The following CNTN5 variants were observed in gnomAD, a reference collection of about 807,000 sequenced individuals.
CNTN5 encodes contactin 5, also known as contactin-5.
CNTN5 carries 77 observed loss-of-function variants against 129.1 expected under a neutral mutation model. The observed-to-expected ratio is 0.60, with a 90% CI of 0.50 to 0.72. The LOEUF is 0.72. Ranked by LOEUF, CNTN5 falls within the 30% of genes least tolerant of loss-of-function variation. The pLI, the probability that CNTN5 is intolerant of heterozygous loss-of-function variation, is 0.00. For synonymous variants in CNTN5, 509 were observed against 465.6 expected (o/e 1.09, Z -1.20); for missense variants, 1,478 against 1,328.8 (o/e 1.11, Z -1.75).
chr11:99,379,390 G>A (rs7932623), intron 2 of CNTN5, among the ~76,000 whole-genome samples: 4,220 of 151,866 alleles, frequency 0.028, 188 homozygotes, highest in African/African-American at 0.096. Context: ...TTTTAATAAC[G>A]ATCAGTGGGT....
Position 99,862,098 on chromosome 11 carries a change from C to G in CNTN5, c.577+16836C>G, listed in dbSNP as rs1182565375. ...TATGCTATAGTAAATATGGATAAGA[C>G]TAAATGAATATTTAAATACAAAACA... is the stretch of plus-strand genomic sequence containing the variant. On this transcript the variant is annotated intron_variant, in intron 6 of 24. Transcript: ENST00000524871. 1.3e-5 allele frequency among the ~76,000 whole-genome samples: 2 copies of G among 151,812 alleles called. 1 individual carries two copies.
intron 3 of CNTN5, among the ~76,000 whole-genome samples, chr11:99,806,956 AC>A (rs1946291840): frequency 6.6e-6 from 1 of 152,174 alleles, no homozygotes; most frequent in African/African-American, 2.4e-5. Flanking sequence ...GCAAAACACT[AC>A]GGTAAATGAA....
At chr11:99,488,933 A>T (rs1945926515) in intron 2 of CNTN5, among the ~76,000 whole-genome samples, 1 of 94,132 alleles carries the variant, frequency 1.1e-5, no homozygotes, top group Admixed American at 1.4e-4. Context: ...AAGCAAACAG[A>T]AAGTATTAGA....
At chr11:100,203,295 A>G (rs971045490) in intron 15 of CNTN5, among the ~76,000 whole-genome samples, 2 of 151,954 alleles carry the variant, frequency 1.3e-5, no homozygotes, top group Admixed American at 1.3e-4. Context: ...ATGTGAACCC[A>G]TTTTTATCAA....
chr11:99,882,226 A>G (rs1948789366), intron 6 of CNTN5, among the ~76,000 whole-genome samples: 1 of 152,226 alleles, frequency 6.6e-6, no homozygotes, highest in Non-Finnish European at 1.5e-5. Flanking sequence ...ATGAGTTTTC[A>G]TCAGTAAGTG....
intron 3 of CNTN5, among the ~76,000 whole-genome samples, chr11:99,613,234 T>C (rs1950644887): frequency 6.6e-6 from 1 of 152,192 alleles, no homozygotes; most frequent in African/African-American, 2.4e-5. Context: ...GGTAGTTAAA[T>C]CATGGGGGCG....
At chr11:99,901,593 T>C (rs796233521) in intron 6 of CNTN5, among the ~76,000 whole-genome samples, 4 of 152,286 alleles carry the variant, frequency 2.6e-5, no homozygotes, top group African/African-American at 9.6e-5. Flanking sequence ...ATGCCTGACC[T>C]GGTCATACAT....
At chr11:99,544,859 G>T (rs1027169213) in intron 2 of CNTN5, among the ~76,000 whole-genome samples, 174 of 152,212 alleles carry the variant, frequency 1.1e-3, no homozygotes, top group African/African-American at 4.0e-3. Flanking sequence ...ATTACTGTGT[G>T]GGGGAAAAAA....
At chr11:99,228,919 ATTTC>A (rs2135722345) in intron 1 of CNTN5, among the ~76,000 whole-genome samples, 1 of 151,742 alleles carries the variant, frequency 6.6e-6, no homozygotes, top group African/African-American at 2.4e-5. Flanking sequence ...TACTGGTTTT[ATTTC>A]TTTATGATTG....
intron 2 of CNTN5, among the ~76,000 whole-genome samples, chr11:99,476,361 C>T (rs568191030): frequency 1.5e-3 from 233 of 152,210 alleles, no homozygotes; most frequent in Non-Finnish European, 2.8e-3. Context: ...AAATTTCACA[C>T]TTTCATTACT....
intron 23 of CNTN5, among the ~76,000 whole-genome samples, chr11:100,341,730 G>T (rs1270124843): frequency 6.6e-6 from 1 of 152,072 alleles, no homozygotes; most frequent in Non-Finnish European, 1.5e-5. Flanking sequence ...AGTAAGATCT[G>T]GAAATTTGAT....
intron 2 of CNTN5, among the ~76,000 whole-genome samples, chr11:99,398,082 G>A (rs1469952576): frequency 6.6e-6 from 1 of 151,714 alleles, no homozygotes; most frequent in Non-Finnish European, 1.5e-5. Context: ...GAGACACCTG[G>A]CTCCGACTGT....
intron 1 of CNTN5, among the ~76,000 whole-genome samples, chr11:99,303,161 A>G (rs952622239): frequency 5.9e-5 from 9 of 151,824 alleles, no homozygotes; most frequent in Non-Finnish European, 1.2e-4. Flanking sequence ...ACTAGAATCC[A>G]ATTGACCTTG....
intron 1 of CNTN5, among the ~76,000 whole-genome samples, chr11:99,324,832 G>A (rs1238388044): frequency 1.3e-5 from 2 of 152,004 alleles, no homozygotes; most frequent in Non-Finnish European, 2.9e-5. Context: ...TAGTAGAGAC[G>A]GGGTTTCACC....
intron 1 of CNTN5, among the ~76,000 whole-genome samples, chr11:99,035,899 C>T (rs937534614): frequency 1.6e-4 from 24 of 148,910 alleles, no homozygotes; most frequent in African/African-American, 3.7e-4. Context: ...GATTTTGCAG[C>T]GGCTGGTACC....
At chr11:99,257,228 T>A (rs1002767180) in intron 1 of CNTN5, among the ~76,000 whole-genome samples, 2 of 152,078 alleles carry the variant, frequency 1.3e-5, no homozygotes, top group Non-Finnish European at 2.9e-5. Flanking sequence ...TTCACAAATA[T>A]TTACTCTGGA....
chr11:100,070,398 C>T (rs1943873640), intron 10 of CNTN5, 26 bp from the exon 11 acceptor site: 4 of 1,591,044 alleles, frequency 2.5e-6, no homozygotes, highest in Non-Finnish European at 3.4e-6. Context: ...TGAAATCATC[C>T]TTGTTTACTG....
At chr11:100,025,921 G>A (rs572589675) in intron 9 of CNTN5, among the ~76,000 whole-genome samples, 1 of 152,106 alleles carries the variant, frequency 6.6e-6, no homozygotes, top group East Asian at 1.9e-4. Context: ...CTTTGGACTT[G>A]GACTTTTGGG....
chr11:99,087,551 T>C lies in CNTN5; in HGVS notation c.-210+66281T>C, dbSNP rs1213313793. Among the ~76,000 whole-genome samples the C allele has an allele frequency of 2.0e-5, 3 of 152,170 alleles. 1 individual carries two copies. The highest frequency in any genetic ancestry group is 2.0e-4 in the Admixed American group (3 of 15,270). On this transcript the variant is annotated intron_variant, in intron 1 of 24. Coordinates refer to ENST00000524871, the MANE Select transcript of CNTN5 (RefSeq NM_014361.4). ...GGAAGTGGAAGGGACATAATACTCATAGTTCTTTTACAGCATTTACCACCG... is the reference window on the plus strand; with the variant it reads ...GGAAGTGGAAGGGACATAATACTCACAGTTCTTTTACAGCATTTACCACCG...
Sources: gnomAD v4.1 joint callset for allele counts (sites outside exome capture counted in the v4.1 genomes callset) on GRCh38, gnomAD v4.1.1 for gene constraint, MANE v1.5 for transcripts, NCBI Gene and HGNC (gene_info 2026-07-23, HGNC 2026-07-21) for gene names.